The following FTO variants were observed in gnomAD, a reference collection of about 807,000 sequenced individuals.
FTO encodes alpha-ketoglutarate-dependent dioxygenase FTO.
FTO carries 47 observed loss-of-function variants against 63.9 expected under a neutral mutation model. The observed-to-expected ratio is 0.74, with a 90% confidence interval of 0.58 to 0.94. The LOEUF is 0.94. FTO is among the 40% of genes least tolerant of loss of function. The pLI is 0.00. For missense variants in FTO, 562 were observed against 618.1 expected (o/e 0.91, Z 0.96); for synonymous variants, 207 against 224.4 (o/e 0.92, Z 0.69).
intron 8 of FTO, among the ~76,000 whole-genome samples, chr16:54,048,125 T>TAAAAAAAAAAAAAAAAAAAAAA (rs2085220979): frequency 2.9e-5 from 1 of 34,732 alleles, no homozygotes; most frequent in Non-Finnish European, 4.5e-5. Context: ...AAAAAAAAAA[T>TAAAAAAAAAAAAAAAAAAAAAA]TAAAAAAAAA....
At chr16:53,863,423 G>T (rs1466139758) in intron 4 of FTO, among the ~76,000 whole-genome samples, 1 of 152,230 alleles carries the variant, frequency 6.6e-6, no homozygotes, top group African/African-American at 2.4e-5. Flanking sequence ...GGTGGAAGAA[G>T]ATGTGTCCTT....
At chr16:54,084,122 A>G (rs1301057283) in intron 8 of FTO, among the ~76,000 whole-genome samples, 1 of 152,176 alleles carries the variant, frequency 6.6e-6, no homozygotes, top group Non-Finnish European at 1.5e-5. Context: ...TGAAGTCTGA[A>G]ACTCTTCTTG....
intron 8 of FTO, chr16:54,033,867 A>G (rs2084885081): frequency 6.6e-6 from 1 of 152,234 alleles, no homozygotes; most frequent in African/African-American, 2.4e-5. Context: ...GAATAGGGAA[A>G]GTTCCACATT....
At chr16:53,760,626 T>C (rs1398444735) in intron 1 of FTO, among the ~76,000 whole-genome samples, 29 of 146,164 alleles carry the variant, frequency 2.0e-4, no homozygotes, top group South Asian at 6.6e-4. Context: ...GCTTTCTTTT[T>C]TTTTTTTTTT....
intron 1 of FTO, among the ~76,000 whole-genome samples, chr16:53,787,110 C>CAAAAAAAAAAAAA (rs35391915): frequency 1.4e-4 from 8 of 56,162 alleles, no homozygotes; most frequent in African/African-American, 7.0e-4. Flanking sequence ...GACTCCTTCT[C>CAAAAAAAAAAAAA]AAAAAAAAAA....
chr16:53,744,071 G>A (rs1157426690), intron 1 of FTO, among the ~76,000 whole-genome samples: 1 of 151,974 alleles, frequency 6.6e-6, no homozygotes, highest in Non-Finnish European at 1.5e-5. Flanking sequence ...CTGGAAGTGG[G>A]CTCCCTTCAG....
At chr16:53,917,680 A>G (rs1019064836) in intron 7 of FTO, among the ~76,000 whole-genome samples, 1 of 149,912 alleles carries the variant, frequency 6.7e-6, no homozygotes, top group African/African-American at 2.5e-5. Context: ...CTGAATTCCT[A>G]TTTGAGAGCC....
chr16:53,858,419 G>GA (rs1296346558), intron 4 of FTO, among the ~76,000 whole-genome samples: 7 of 152,184 alleles, frequency 4.6e-5, no homozygotes, highest in Non-Finnish European at 1.5e-5. Context: ...AGTGATCAGT[G>GA]AAATTGGTAA....
chr16:53,996,132 G>T (rs1189952970), intron 8 of FTO, among the ~76,000 whole-genome samples: 1 of 152,198 alleles, frequency 6.6e-6, no homozygotes, highest in Non-Finnish European at 1.5e-5. Context: ...GATAGAAAGA[G>T]CCTGGGTCCA....
intron 1 of FTO, among the ~76,000 whole-genome samples, chr16:53,768,510 C>T (rs538215011): frequency 2.6e-5 from 4 of 152,168 alleles, no homozygotes; most frequent in South Asian, 2.1e-4. Context: ...ATTTCTTACC[C>T]GAGTAGAAGA....
intron 8 of FTO, among the ~76,000 whole-genome samples, chr16:53,985,182 G>T (rs1024651119): frequency 5.3e-5 from 8 of 152,116 alleles, no homozygotes; most frequent in Admixed American, 2.6e-4. Flanking sequence ...GAAATAATTG[G>T]TTACAAAATC....
At chr16:53,704,253 G>A in intron 1 of FTO, 24 bp downstream of exon 1, 5 of 1,550,836 alleles carry the variant, frequency 3.2e-6, no homozygotes, top group Non-Finnish European at 4.4e-6. Flanking sequence ...CCGGGGCCTG[G>A]AGATCTTCGT....
rs1567583760 is a variant in FTO, at chr16:54,119,254, TC to T, written c.*7343del. 1 of 152,178 alleles carries T rather than the reference TC, an allele frequency of 6.6e-6. No individual in the cohort carries two copies. The allele number at this position is 152,178 out of a possible 1,614,324, so 9.4% of individuals were successfully genotyped here. A position where few individuals can be genotyped will look rare whatever the true frequency, so the allele number is the denominator to read the frequency against. Reference sequence around the variant, plus strand: ...CATTTGTTTCTTTGCAAAACTGCTGTCCCCAACTGAAAAACCTGATTATCCT... The same window carrying T: ...CATTTGTTTCTTTGCAAAACTGCTGTCCCAACTGAAAAACCTGATTATCCT... On this transcript the variant is annotated 3_prime_UTR_variant, in exon 9 of 9. Coordinates refer to ENST00000471389, the MANE Select transcript of FTO (RefSeq NM_001080432.3).
chr16:53,716,668 T>C (rs972906639), intron 1 of FTO, among the ~76,000 whole-genome samples: 2 of 152,138 alleles, frequency 1.3e-5, no homozygotes, highest in African/African-American at 4.8e-5. Flanking sequence ...GCTTCGTAAA[T>C]ATAGAACCAC....
At chr16:53,824,575 A>G (rs1320276395) in intron 2 of FTO, among the ~76,000 whole-genome samples, 1 of 152,064 alleles carries the variant, frequency 6.6e-6, no homozygotes. Flanking sequence ...CCTTGTTTCC[A>G]TCTGGTGGTA....
chr16:54,060,085 A>C (rs1357441179), intron 8 of FTO, among the ~76,000 whole-genome samples: 4 of 152,186 alleles, frequency 2.6e-5, no homozygotes, highest in Non-Finnish European at 5.9e-5. Context: ...TTGTAACTCC[A>C]TGAATAATTT....
At chr16:53,721,236 G>A (rs1347326095) in intron 1 of FTO, among the ~76,000 whole-genome samples, 1 of 152,198 alleles carries the variant, frequency 6.6e-6, no homozygotes, top group African/African-American at 2.4e-5. Context: ...AAATGCACAT[G>A]CGTAACTTGA....
rs144593246 is a variant in FTO at position 53,854,889 on chromosome 16, T to C, written c.895+10591T>C. 3.3e-3 allele frequency among the ~76,000 whole-genome samples: 500 copies of C among 152,286 alleles called. 1 individual carries two copies. The highest frequency in any genetic ancestry group is 0.011 in the African/African-American group (454 of 41,566). Reference sequence around the variant, plus strand: ...TGTTTGGGCAGTATGGTCATTTTCATGATATTGATTCTTCCAATCCGTGAG... The same window carrying C: ...TGTTTGGGCAGTATGGTCATTTTCACGATATTGATTCTTCCAATCCGTGAG... On this transcript the variant is annotated intron_variant, in intron 4 of 8. Transcript: ENST00000471389.
At chr16:53,802,186 A>G (rs1433222007) in intron 1 of FTO, among the ~76,000 whole-genome samples, 2 of 152,226 alleles carry the variant, frequency 1.3e-5, no homozygotes, top group African/African-American at 4.8e-5. Flanking sequence ...AGTCACTTAT[A>G]TAAAATGGCA....
Sources: gnomAD v4.1 joint callset for allele counts (sites outside exome capture counted in the v4.1 genomes callset) on GRCh38, gnomAD v4.1.1 for gene constraint, MANE v1.5 for transcripts, NCBI Gene and HGNC (gene_info 2026-07-23, HGNC 2026-07-21) for gene names.